The following B4GALNT1 variants were observed in gnomAD, a reference collection of about 807,000 sequenced individuals.
B4GALNT1 encodes the protein beta-1,4 N-acetylgalactosaminyltransferase 1.
Under a neutral mutation model 55.2 loss-of-function variants are expected in B4GALNT1, and 43 were observed. The ratio of observed to expected loss-of-function variants is 0.78; its 90% CI spans 0.61 to 1.00. B4GALNT1 has a LOEUF of 1.00. Ranked by LOEUF, B4GALNT1 falls within the 50% of genes least tolerant of loss-of-function variation. B4GALNT1 has a pLI of 0.00. For missense variants in B4GALNT1, 664 were observed against 729.7 expected, an observed-to-expected ratio of 0.91 and a Z score of 1.04; for synonymous variants, 305 against 311.6, an observed-to-expected ratio of 0.98 and a Z score of 0.22.
At chr12:57,628,098 C>G (rs577024960) in intron 9 of B4GALNT1, 24 bp downstream of exon 9, 4 of 1,612,468 alleles carry the variant, frequency 2.5e-6, no homozygotes, top group South Asian at 1.1e-5. Flanking sequence ...TCTCCACCCC[C>G]ACATCCTGCA....
chr12:57,629,307 G>C (rs1473906552), intron 6 of B4GALNT1, 161 bp from the exon 7 acceptor site: 7 of 550,180 alleles, frequency 1.3e-5, no homozygotes, highest in Non-Finnish European at 2.1e-5. Flanking sequence ...CTAATGGGTA[G>C]GAGAAAAAAC....
intron 4 of B4GALNT1, 52 bp downstream of exon 4, chr12:57,630,928 C>A: frequency 6.5e-7 from 1 of 1,539,182 alleles, no homozygotes; most frequent in East Asian, 2.3e-5. Context: ...CAACCTTGGG[C>A]TCTGCCACCC....
chr12:57,629,369 G>C (rs1231051019), intron 6 of B4GALNT1: 1 of 437,136 alleles, frequency 2.3e-6, no homozygotes, highest in Non-Finnish European at 4.0e-6. Context: ...CTTACTATGT[G>C]CCAGACCCGT....
chr12:57,627,099 A>G lies in B4GALNT1; in HGVS notation c.1385-138T>C, dbSNP rs113038675. The G allele has an allele frequency of 4.7e-4, 330 of 708,578 alleles. 4 individuals are homozygous for G. The African/African-American group carries it at 5.0e-3, about 11-fold the overall frequency. The allele number at this position is 708,578 out of a possible 1,614,324, so 43.9% of individuals were successfully genotyped here. A position where few individuals can be genotyped will look rare whatever the true frequency, so the allele number is the denominator to read the frequency against. ...CTAAGGACCCTGAGCATGTAAATCA[A>G]CTCCCTGGGTCTCAGTCTTACTCTT... On this transcript the variant is annotated intron_variant, in intron 10 of 10. Transcript: ENST00000341156.
Position 57,625,503 on chromosome 12 carries a change from C to T in B4GALNT1, c.*1241G>A. On this transcript the variant is annotated 3_prime_UTR_variant, in exon 11 of 11. Transcript: ENST00000341156. The stretch of plus-strand genomic sequence containing the variant: ...AGAAGAGCGGGGCCCAGTGCCTGGG[C>T]AATGACTGGACACCTGCGGTAGGGA... 6.2e-7 allele frequency: 1 copy of T among 1,614,044 alleles called. No homozygotes were observed. Among genetic ancestry groups the T allele is most frequent in the Non-Finnish European group, 8.5e-7 (1 of 1,179,938 alleles).
chr12:57,628,953 G>C (rs1458381893), intron 7 of B4GALNT1, 50 bp from the exon 8 acceptor site: 1 of 1,610,104 alleles, frequency 6.2e-7, no homozygotes, highest in Non-Finnish European at 8.5e-7. Context: ...GTTGGGAGAG[G>C]GGAACAGGTA....
chr12:57,625,228 C>T lies in B4GALNT1; in HGVS notation c.*1516G>A, dbSNP rs1405643722. 2 of 1,613,996 alleles carry T rather than the reference C, an allele frequency of 1.2e-6. No homozygotes were observed. Among genetic ancestry groups the T allele is most frequent in the African/African-American group, 2.7e-5 (2 of 74,888 alleles). ...ACACCTGGGTACTCCTGTCTTCTCC[C>T]ATTCTAGTTGCTGAGCCTGTCAGGG... On this transcript the variant is annotated 3_prime_UTR_variant, in exon 11 of 11. Coordinates refer to ENST00000341156, the MANE Select transcript of B4GALNT1 (RefSeq NM_001478.5).
At chr12:57,629,537 G>T (rs547168680) in intron 6 of B4GALNT1, 1 of 354,520 alleles carries the variant, frequency 2.8e-6, no homozygotes, top group African/African-American at 2.1e-5. Context: ...AGTCAGTCTG[G>T]TGCCAGGCTA....
chr12:57,631,839 C>T, intron 2 of B4GALNT1, 76 bp downstream of exon 2: 1 of 1,288,500 alleles, frequency 7.8e-7, no homozygotes, highest in South Asian at 2.2e-5. Flanking sequence ...GCATCTGAGC[C>T]CAGCAGTGGA....
At position 57,625,498 on chromosome 12, in the gene B4GALNT1, C is replaced by G; in HGVS notation, c.*1246G>C. The stretch of plus-strand genomic sequence containing the variant: ...TGTGGAGAAGAGCGGGGCCCAGTGC[C>G]TGGGCAATGACTGGACACCTGCGGT... On this transcript the variant is annotated 3_prime_UTR_variant, in exon 11 of 11. Coordinates refer to ENST00000341156, the MANE Select transcript of B4GALNT1 (RefSeq NM_001478.5). 5 of 1,614,116 alleles carry G rather than the reference C, an allele frequency of 3.1e-6. No individual in the cohort carries two copies. The highest frequency in any genetic ancestry group is 4.2e-6 in the Non-Finnish European group (5 of 1,179,974).
chr12:57,628,964 G>A, intron 7 of B4GALNT1, 61 bp from the exon 8 acceptor site: 5 of 1,603,822 alleles, frequency 3.1e-6, no homozygotes, highest in Non-Finnish European at 4.3e-6. Flanking sequence ...GGAACAGGTA[G>A]ATATCCCCTC....
At chr12:57,627,501 T>C in intron 10 of B4GALNT1, 117 bp downstream of exon 10, 2 of 1,353,418 alleles carry the variant, frequency 1.5e-6, no homozygotes, top group Admixed American at 2.6e-5. Context: ...GCAGAACTGT[T>C]CTGGGGTTCC....
In B4GALNT1 at chr12:57,631,080, C is replaced by G. The variant is rs1885173278; in HGVS notation, c.390G>C (p.Gln130His). Reference sequence around the variant, plus strand: ...CTATGAGCAGCTGGTCAGCTGGGGACTGGCTCCTGGCAGTGGAGGAAGGAG... The same window carrying G: ...CTATGAGCAGCTGGTCAGCTGGGGAGTGGCTCCTGGCAGTGGAGGAAGGAG... ...QEFQAFLSRSQSPADQLLIAP... is the reference protein window; with the variant it reads ...QEFQAFLSRSHSPADQLLIAP... Residue 130 changes from glutamine (Q) to histidine (H), a missense_variant, in exon 4 of 11, where the codon CAG (glutamine) becomes CAC (histidine). Physicochemically the swap from Gln to His is conservative, Grantham distance 24. Transcript: ENST00000341156. 1 of 1,611,072 alleles carries G rather than the reference C, an allele frequency of 6.2e-7. No homozygotes were observed. Among genetic ancestry groups the G allele is most frequent in the Non-Finnish European group, 8.5e-7 (1 of 1,178,676 alleles).
Position 57,632,136 on chromosome 12 carries a change from A to C in B4GALNT1, c.-1-3T>G. 7.1e-7 allele frequency: 1 copy of C among 1,416,742 alleles called. No individual in the cohort carries two copies. The highest frequency in any genetic ancestry group is 9.5e-7 in the Non-Finnish European group (1 of 1,053,976). The allele number at this position is 1,416,742 out of a possible 1,614,324, so 87.8% of individuals were successfully genotyped here. A position where few individuals can be genotyped will look rare whatever the true frequency, so the allele number is the denominator to read the frequency against. The stretch of plus-strand genomic sequence containing the variant: ...GGGCCCGGCGGCCCAGCCACATCCT[A>C]GGTGGGGGTAGGGTGGGGAGTGAGA... On this transcript the variant is annotated splice_polypyrimidine_tract_variant and splice_region_variant and intron_variant, in intron 1 of 10. Transcript: ENST00000341156.
At position 57,627,616 on chromosome 12, in the gene B4GALNT1, A is replaced by G; in HGVS notation, c.1384+2T>C. The G allele has an allele frequency of 6.3e-7, 1 of 1,586,234 alleles. No homozygotes were observed. The highest frequency in any genetic ancestry group is 2.3e-5 in the East Asian group (1 of 44,286). ...GGTCGACCGGGAGGGGGTGCCACTC[A>G]CCCAGATGAGCCACGCGGCTGAGGC... On this transcript the variant is annotated splice_donor_variant, in intron 10 of 10. Coordinates refer to ENST00000341156, the MANE Select transcript of B4GALNT1 (RefSeq NM_001478.5). LOFTEE classifies it high-confidence loss of function.
Position 57,625,493 on chromosome 12 carries a change from A to G in B4GALNT1, c.*1251T>C, listed in dbSNP as rs1305780982. ...AGATGTGTGGAGAAGAGCGGGGCCC[A>G]GTGCCTGGGCAATGACTGGACACCT... is the stretch of plus-strand genomic sequence containing the variant. On this transcript the variant is annotated 3_prime_UTR_variant, in exon 11 of 11. Coordinates refer to ENST00000341156, the MANE Select transcript of B4GALNT1 (RefSeq NM_001478.5). The G allele has an allele frequency of 3.7e-6, 6 of 1,614,030 alleles. No homozygotes were observed. In the African/African-American group the frequency reaches 6.7e-5, roughly 18 times the overall value.
chr12:57,626,498 A>G lies in B4GALNT1; in HGVS notation c.*246T>C. On this transcript the variant is annotated 3_prime_UTR_variant, in exon 11 of 11. Coordinates refer to ENST00000341156, the MANE Select transcript of B4GALNT1 (RefSeq NM_001478.5). ...CATTTCCTGCCCCATGAGAATGGGC[A>G]GGGGGAGGACTTGGCACTGGCTGTG... The G allele has an allele frequency of 5.5e-6, 3 of 542,592 alleles. No homozygotes were observed. The highest frequency in any genetic ancestry group is 1.0e-5 in the Non-Finnish European group (3 of 301,138). The allele number at this position is 542,592 out of a possible 1,614,324, so 33.6% of individuals were successfully genotyped here.
At position 57,625,039 on chromosome 12, in the gene B4GALNT1, G is replaced by C; in HGVS notation, c.*1705C>G. The C allele has an allele frequency of 6.2e-7, 1 of 1,613,204 alleles. No homozygotes were observed. The highest frequency in any genetic ancestry group is 8.5e-7 in the Non-Finnish European group (1 of 1,179,164). On this transcript the variant is annotated 3_prime_UTR_variant, in exon 11 of 11. Coordinates refer to ENST00000341156, the MANE Select transcript of B4GALNT1 (RefSeq NM_001478.5). ...TCCTCAGGGAGTGGGAGGCAGGTGGGTGTTCTGAGGGGGATCCTTGTGCTC... is the reference window on the plus strand; with the variant it reads ...TCCTCAGGGAGTGGGAGGCAGGTGGCTGTTCTGAGGGGGATCCTTGTGCTC...
chr12:57,630,953 G>A (rs1302808549), intron 4 of B4GALNT1, 27 bp downstream of exon 4: 1 of 1,596,840 alleles, frequency 6.3e-7, no homozygotes, highest in South Asian at 1.1e-5. Flanking sequence ...TGTGGCTGAG[G>A]TCATCCTCTG....
Sources: gnomAD v4.1 joint callset for allele counts on GRCh38, gnomAD v4.1.1 for gene constraint, MANE v1.5 for transcripts, NCBI Gene and HGNC (gene_info 2026-07-23, HGNC 2026-07-21) for gene names.